The following GPRC6A variants were observed in gnomAD, a reference collection of about 807,000 sequenced individuals.
GPRC6A encodes the protein G protein-coupled receptor class C group 6 member A.
Under a neutral mutation model 47.0 loss-of-function variants are expected in GPRC6A, and 54 were observed. The observed-to-expected ratio is 1.15, with a 90% CI of 0.92 to 1.44. GPRC6A has a LOEUF of 1.44. Ranked by LOEUF, GPRC6A falls within the 40% of genes most tolerant of loss-of-function variation. The pLI, the probability that GPRC6A is intolerant of heterozygous loss-of-function variation, is 0.00. For synonymous variants in GPRC6A, 347 were observed against 377.1 expected (o/e 0.92, Z 0.93); for missense variants, 1,112 against 1,105.5 (o/e 1.01, Z -0.08).
At chr6:116,828,669 A>G (rs550362056) in intron 1 of GPRC6A, 151 bp downstream of exon 1, 4 of 597,490 alleles carry the variant, frequency 6.7e-6, no homozygotes, top group South Asian at 3.6e-5. Flanking sequence ...TCTCTTTTAA[A>G]GAAGGATTGC....
At chr6:116,819,042 G>T (rs1469331565) in intron 1 of GPRC6A, among the ~76,000 whole-genome samples, 2 of 151,964 alleles carry the variant, frequency 1.3e-5, no homozygotes, top group Admixed American at 1.3e-4. Context: ...AACAAAAAAA[G>T]GCAGGGGTTG....
chr6:116,828,694 G>T, intron 1 of GPRC6A, 126 bp downstream of exon 1: 2 of 761,112 alleles, frequency 2.6e-6, no homozygotes, highest in Non-Finnish European at 4.0e-6. Flanking sequence ...TTAACCATAT[G>T]CAACTTAAAA....
Position 116,800,704 on chromosome 6 carries a change from A to AAC in GPRC6A, c.1426_1427dup (p.Val477LeufsTer11), listed in dbSNP as rs1772645488. ...GTCCATTGATCTCCTTCCAGAGCAC[A>AAC]ACATCATATCCAGTATTTAAATCCC... On this transcript the variant is annotated frameshift_variant, in exon 4 of 6. Coordinates refer to ENST00000310357, the MANE Select transcript of GPRC6A (RefSeq NM_148963.4). LOFTEE classifies it high-confidence loss of function. 1 of 1,610,270 alleles carries AAC rather than the reference A, an allele frequency of 6.2e-7. No individual in the cohort carries two copies. Among genetic ancestry groups the AAC allele is most frequent in the Admixed American group, 1.7e-5 (1 of 59,958 alleles).
intron 1 of GPRC6A, among the ~76,000 whole-genome samples, chr6:116,816,130 GA>G (rs1773197912): frequency 6.6e-6 from 1 of 152,200 alleles, no homozygotes; most frequent in Admixed American, 6.5e-5. Context: ...TCACATTGCA[GA>G]ATACAATCAT....
At position 116,828,905 on chromosome 6, in the gene GPRC6A, T is replaced by C; in HGVS notation, c.109A>G (p.Ile37Val). 2 of 1,613,410 alleles carry C rather than the reference T, an allele frequency of 1.2e-6. No individual in the cohort carries two copies. Among genetic ancestry groups the C allele is most frequent in the Non-Finnish European group, 1.7e-6 (2 of 1,179,598 alleles). Residue 37 changes from isoleucine (I) to valine (V), a missense_variant, in exon 1 of 6, where the codon ATA (isoleucine) becomes GTA (valine). Transcript: ENST00000310357. ...FVAATSPGHI[I>V]IGGLFAIHEK... Reference sequence around the variant, plus strand: ...TGAATAGCAAACAAACCTCCAATTATGATATGTCCCGGAGAAGTGGCAGCC... The same window carrying C: ...TGAATAGCAAACAAACCTCCAATTACGATATGTCCCGGAGAAGTGGCAGCC...
intron 1 of GPRC6A, among the ~76,000 whole-genome samples, chr6:116,822,112 G>A: frequency 6.9e-6 from 1 of 145,296 alleles, no homozygotes; most frequent in African/African-American, 2.7e-5. Context: ...ATGAAAAAAT[G>A]CTCATCATCA....
intron 1 of GPRC6A, among the ~76,000 whole-genome samples, chr6:116,820,216 A>G: frequency 6.6e-6 from 1 of 152,162 alleles, no homozygotes; most frequent in Non-Finnish European, 1.5e-5. Flanking sequence ...GCAATAATCA[A>G]TAGTTTACCA....
chr6:116,820,357 A>G (rs900967279), intron 1 of GPRC6A, among the ~76,000 whole-genome samples: 1 of 152,144 alleles, frequency 6.6e-6, no homozygotes, highest in East Asian at 1.9e-4. Context: ...AACTCATTTT[A>G]TGAGGCCAGC....
At chr6:116,799,697 G>C (rs1011035622) in intron 4 of GPRC6A, among the ~76,000 whole-genome samples, 5 of 152,052 alleles carry the variant, frequency 3.3e-5, no homozygotes, top group African/African-American at 1.2e-4. Context: ...AGACTTGGGG[G>C]AACAACAAAG....
In GPRC6A at chr6:116,806,513, T is replaced by C; in HGVS notation, c.1192A>G (p.Met398Val). The change falls in exon 3 of 6, where the codon ATG becomes GTG. Residue 398 changes from methionine to valine, a missense_variant. Transcript: ENST00000310357. ...ANKAIERNFV[M>V]RNDFLWDYAE... ...TAGTCCCAGAGGAAGTCATTTCTCA[T>C]GACGAAGTTCCTTTCTATAGCCTTG... 6.2e-7 allele frequency: 1 copy of C among 1,613,600 alleles called. No homozygotes were observed. The highest frequency in any genetic ancestry group is 1.1e-5 in the South Asian group (1 of 91,072).
At chr6:116,808,871 T>C (rs1401175931) in intron 2 of GPRC6A, among the ~76,000 whole-genome samples, 1 of 152,150 alleles carries the variant, frequency 6.6e-6, no homozygotes, top group Non-Finnish European at 1.5e-5. Flanking sequence ...TTTCTGGTTA[T>C]TGGCTTGCAT....
Position 116,792,266 on chromosome 6 carries a change from C to T in GPRC6A, c.2657G>A (p.Ser886Asn), listed in dbSNP as rs370144882. 1.2e-5 allele frequency: 19 copies of T among 1,613,898 alleles called. No individual in the cohort carries two copies. Among genetic ancestry groups the T allele is most frequent in the Non-Finnish European group, 1.4e-5 (17 of 1,179,960 alleles). Residue 886 changes from serine to asparagine, a missense_variant, in exon 6 of 6, where the codon AGT (serine) becomes AAT (asparagine). Transcript: ENST00000310357. ...GNVTMTNPSS[S>N]GKSATWQKSK... ...TTTCTGCCAGGTTGCAGACTTGCCA[C>T]TAGAGCTGGGATTGGTCATTGTGAC...
Position 116,800,785 on chromosome 6 carries a change from C to T in GPRC6A, c.1347G>A (p.Val449=), listed in dbSNP as rs760203854. 1 of 1,600,300 alleles carries T rather than the reference C, an allele frequency of 6.2e-7. No individual in the cohort carries two copies. Among genetic ancestry groups the T allele is most frequent in the South Asian group, 1.1e-5 (1 of 90,876 alleles). The change falls in exon 4 of 6, where the codon GTG becomes GTA. Residue 449 remains valine, a synonymous_variant. Transcript: ENST00000310357. ...CATCAGTGAATGTCACATTTTTTAGCACACCAAGTAACTATAAAAAATAAA... is the reference window on the plus strand; with the variant it reads ...CATCAGTGAATGTCACATTTTTTAGTACACCAAGTAACTATAAAAAATAAA... ...NAFQPWELLG[V]LKNVTFTDGW...
At position 116,792,431 on chromosome 6, in the gene GPRC6A, A is replaced by T. The variant is rs1480011616; in HGVS notation, c.2492T>A (p.Ile831Asn). 6.2e-7 allele frequency: 1 copy of T among 1,614,060 alleles called. No homozygotes were observed. The highest frequency in any genetic ancestry group is 1.3e-5 in the African/African-American group (1 of 75,046). Residue 831 changes from isoleucine to asparagine, a missense_variant, in exon 6 of 6, where the codon ATC (isoleucine) becomes AAC (asparagine). By Grantham distance (149) the Ile-to-Asn change is moderately radical. Transcript: ENST00000310357. ...ACAAATAATAACATAGCATTTGGGG[A>T]TGAATGTGCAATACAGGATTCCATA... The part of the protein sequence containing the change: ...SNYGILYCTF[I>N]PKCYVIICKQ...
intron 1 of GPRC6A, among the ~76,000 whole-genome samples, chr6:116,822,099 C>G (rs1354912176): frequency 8.9e-5 from 13 of 146,470 alleles, no homozygotes; most frequent in Non-Finnish European, 9.0e-5. Context: ...AGCCAAAACA[C>G]ACATGAAAAA....
rs778009563 is a variant in GPRC6A, at chr6:116,806,834, T to C, written c.871A>G (p.Ile291Val). Residue 291 changes from isoleucine (I) to valine (V), a missense_variant, in exon 3 of 6, where the codon ATT becomes GTT. Physicochemically the swap from Ile to Val is conservative, Grantham distance 29. Transcript: ENST00000310357. ...CACATCTTATTTATATTCATTTCAA[T>C]GGCTTTATTGAAGAGATCAAAAACA... ...FHVFDLFNKAIEMNINKMWIA... is the reference protein window; with the variant it reads ...FHVFDLFNKAVEMNINKMWIA... 1 of 1,613,484 alleles carries C rather than the reference T, an allele frequency of 6.2e-7. No homozygotes were observed. The highest frequency in any genetic ancestry group is 1.7e-5 in the Admixed American group (1 of 59,908).
At chr6:116,797,162 C>G (rs973164535) in intron 4 of GPRC6A, among the ~76,000 whole-genome samples, 1 of 151,936 alleles carries the variant, frequency 6.6e-6, no homozygotes, top group Non-Finnish European at 1.5e-5. Flanking sequence ...CGATAGTTTA[C>G]TGAGAATGAT....
At chr6:116,826,348 G>A (rs1456156285) in intron 1 of GPRC6A, among the ~76,000 whole-genome samples, 3 of 151,384 alleles carry the variant, frequency 2.0e-5, no homozygotes, top group African/African-American at 4.8e-5. Context: ...CAATAAAAAA[G>A]CAAAATCTCA....
In GPRC6A at chr6:116,806,476, C is replaced by T. The variant is rs867388929; in HGVS notation, c.1229G>A (p.Gly410Glu). ...NDFLWDYAEP[G>E]LIHSIQLAVF... ...TGCAAGCTGAATACTATGAATGAGTCCTGGCTCAGCATAGTCCCAGAGGAA... is the reference window on the plus strand; with the variant it reads ...TGCAAGCTGAATACTATGAATGAGTTCTGGCTCAGCATAGTCCCAGAGGAA... Residue 410 changes from glycine (G) to glutamate (E), a missense_variant, in exon 3 of 6, where the codon GGA becomes GAA. By Grantham distance (98) the Gly-to-Glu change is moderately conservative (BLOSUM62 -2). Coordinates refer to ENST00000310357, the MANE Select transcript of GPRC6A (RefSeq NM_148963.4). 2 of 1,613,386 alleles carry T rather than the reference C, an allele frequency of 1.2e-6. No individual in the cohort carries two copies. Among genetic ancestry groups the T allele is most frequent in the South Asian group, 1.1e-5 (1 of 91,062 alleles).
Sources: allele counts gnomAD v4.1 joint callset (sites outside exome capture counted in the v4.1 genomes callset), GRCh38; gene constraint gnomAD v4.1.1; transcripts MANE v1.5; gene names NCBI Gene and HGNC (gene_info 2026-07-23, HGNC 2026-07-21).